Variants in GABRA3 observed in about 807,000 individuals in gnomAD.
GABRA3 encodes the protein gamma-aminobutyric acid receptor subunit alpha-3.
In GABRA3, 10 loss-of-function variants were observed where a neutral mutation model predicts 30.1. That is an observed-to-expected ratio of 0.33 (90% CI 0.20 to 0.56). The LOEUF is 0.56. Ranked by LOEUF, GABRA3 falls within the 20% of genes least tolerant of loss-of-function variation. The pLI, the probability that GABRA3 is intolerant of heterozygous loss-of-function variation, is 0.89. For synonymous variants in GABRA3, 151 were observed against 146.8 expected, an observed-to-expected ratio of 1.03 and a Z score of -0.21; for missense variants, 233 against 392.0, an observed-to-expected ratio of 0.59 and a Z score of 3.42.
intron 2 of GABRA3, among the ~76,000 whole-genome samples, chrX:152,351,188 A>G (rs937525386): frequency 8.9e-6 from 1 of 112,029 alleles, no homozygotes; most frequent in African/African-American, 3.2e-5. Flanking sequence ...TGCCCCTGAC[A>G]AAAGAGTCAG....
At chrX:152,302,436 G>A (rs1403086664) in intron 3 of GABRA3, among the ~76,000 whole-genome samples, 1 of 111,891 alleles carries the variant, frequency 8.9e-6, no homozygotes. Flanking sequence ...GGGGTCAGAA[G>A]TGTTTTGCAC....
chrX:152,321,291 G>T (rs764596119), intron 3 of GABRA3, among the ~76,000 whole-genome samples: 1 of 111,959 alleles, frequency 8.9e-6, no homozygotes. Flanking sequence ...TCTTCTGATT[G>T]TCCTAGTTCC....
intron 5 of GABRA3, among the ~76,000 whole-genome samples, chrX:152,245,316 T>A (rs753627362): frequency 9.0e-6 from 1 of 111,299 alleles, no homozygotes; most frequent in Non-Finnish European, 1.9e-5. Context: ...AGGGCAGGAT[T>A]TGGGATTTAT....
At chrX:152,390,837 C>T (rs1283572595) in intron 1 of GABRA3, among the ~76,000 whole-genome samples, 1 of 110,851 alleles carries the variant, frequency 9.0e-6, no homozygotes, top group Non-Finnish European at 1.9e-5. Flanking sequence ...TTTAAAAAAA[C>T]AAGCATATGA....
At chrX:152,327,305 T>C (rs747953843) in intron 3 of GABRA3, among the ~76,000 whole-genome samples, 2 of 110,467 alleles carry the variant, frequency 1.8e-5, no homozygotes, top group South Asian at 3.9e-4. Flanking sequence ...GACAGAAAGT[T>C]AACAAGGATA....
chrX:152,203,499 A>G (rs1203009265), intron 7 of GABRA3, among the ~76,000 whole-genome samples: 3 of 112,033 alleles, frequency 2.7e-5, no homozygotes, highest in African/African-American at 9.7e-5. Flanking sequence ...TTTTCTATTT[A>G]TTGGTACTTT....
chrX:152,314,966 T>C (rs1388770), intron 3 of GABRA3, among the ~76,000 whole-genome samples: 12,036 of 110,664 alleles, frequency 0.11, 525 homozygotes, highest in African/African-American at 0.13. Flanking sequence ...TAAAAAGATT[T>C]TTTTTCTAGG....
intron 9 of GABRA3, among the ~76,000 whole-genome samples, chrX:152,182,879 G>GTATA (rs989340509): frequency 2.5e-4 from 24 of 94,604 alleles, no homozygotes; most frequent in African/African-American, 8.7e-4. Context: ...TATATATAGT[G>GTATA]TATATATATA....
At chrX:152,266,566 A>C (rs1938828794) in intron 4 of GABRA3, among the ~76,000 whole-genome samples, 1 of 111,317 alleles carries the variant, frequency 9.0e-6, no homozygotes, top group Non-Finnish European at 1.9e-5. Context: ...TAGATAAGTA[A>C]AATAAGGCAG....
chrX:152,216,252 A>G (rs915778484), intron 6 of GABRA3, among the ~76,000 whole-genome samples: 1 of 111,115 alleles, frequency 9.0e-6, no homozygotes, highest in African/African-American at 3.3e-5. Flanking sequence ...TACACCCAAA[A>G]TAAATAAAGT....
At chrX:152,412,048 G>A (rs1930085385) in intron 1 of GABRA3, among the ~76,000 whole-genome samples, 1 of 110,824 alleles carries the variant, frequency 9.0e-6, no homozygotes, top group South Asian at 3.8e-4. Context: ...AAAAGATACA[G>A]AAATGACCAA....
intron 6 of GABRA3, among the ~76,000 whole-genome samples, chrX:152,208,374 A>G (rs1937598334): frequency 8.9e-6 from 1 of 111,978 alleles, no homozygotes; most frequent in Admixed American, 9.5e-5. Flanking sequence ...AAATGAACCC[A>G]AAGTGTTCTC....
At chrX:152,298,589 G>A (rs1939576349) in intron 3 of GABRA3, among the ~76,000 whole-genome samples, 1 of 110,878 alleles carries the variant, frequency 9.0e-6, no homozygotes. Context: ...GTTCCATGGT[G>A]TATATGTGCC....
intron 7 of GABRA3, among the ~76,000 whole-genome samples, chrX:152,203,431 T>A (rs1007290535): frequency 2.7e-5 from 3 of 112,340 alleles, no homozygotes; most frequent in African/African-American, 6.5e-5. Flanking sequence ...TTGAGCTTTT[T>A]AAATCAATCT....
chrX:152,437,883 A>C (rs1180127237), intron 1 of GABRA3, among the ~76,000 whole-genome samples: 2 of 112,274 alleles, frequency 1.8e-5, no homozygotes, highest in South Asian at 3.7e-4. Flanking sequence ...GGTCATAGCC[A>C]GTAAAATACA....
chrX:152,329,683 C>T (rs947343998), intron 3 of GABRA3, among the ~76,000 whole-genome samples: 61 of 111,740 alleles, frequency 5.5e-4, no homozygotes, highest in African/African-American at 2.0e-3. Flanking sequence ...TTACACCTTA[C>T]ACAAAAATTA....
At chrX:152,417,097 A>C (rs1158648152) in intron 1 of GABRA3, among the ~76,000 whole-genome samples, 19 of 105,155 alleles carry the variant, frequency 1.8e-4, no homozygotes, top group East Asian at 6.1e-4. Flanking sequence ...CAACCTACAA[A>C]ATGGGAGAAA....
At chrX:152,215,052 A>AT (rs1206087367) in intron 6 of GABRA3, among the ~76,000 whole-genome samples, 8 of 102,781 alleles carry the variant, frequency 7.8e-5, no homozygotes, top group South Asian at 8.1e-4. Context: ...ATATATATAT[A>AT]TATTTTTTTA....
intron 4 of GABRA3, among the ~76,000 whole-genome samples, chrX:152,257,877 G>A (rs1373753203): frequency 8.9e-6 from 1 of 112,109 alleles, no homozygotes; most frequent in Non-Finnish European, 1.9e-5. Context: ...ATTGACATCC[G>A]AATATATACT....
Sources: gnomAD v4.1 joint callset for allele counts (sites outside exome capture counted in the v4.1 genomes callset) on GRCh38, gnomAD v4.1.1 for gene constraint, MANE v1.5 for transcripts, NCBI Gene and HGNC (gene_info 2026-07-23, HGNC 2026-07-21) for gene names.